The following JADE1 variants were observed in gnomAD, a reference collection of about 807,000 sequenced individuals.
JADE1 encodes the protein jade family PHD finger 1.
In JADE1, 14 loss-of-function variants were observed where a neutral mutation model predicts 81.8. The observed-to-expected ratio is 0.17, with a 90% CI of 0.11 to 0.27. JADE1 has a LOEUF of 0.27. Ranked by LOEUF, JADE1 falls within the 10% of genes least tolerant of loss-of-function variation. JADE1 has a pLI of 1.00. For missense variants in JADE1, 690 were observed against 1,047.9 expected (o/e 0.66, Z 4.71); for synonymous variants, 353 against 391.9 (o/e 0.90, Z 1.17).
rs1177059114 is a variant in JADE1 at position 128,842,972 on chromosome 4, C to G, written c.72C>G (p.Ser24=). ...DDNGSLSTTW[S]QNSRSQHRRS... Reference sequence around the variant, plus strand: ...CTTTAGGCCTGTCAACTACTTGGTCCCAGAATTCCCGATCCCAGCATAGGA... The same window carrying G: ...CTTTAGGCCTGTCAACTACTTGGTCGCAGAATTCCCGATCCCAGCATAGGA... The change falls in exon 3 of 11, where the codon TCC becomes TCG. Residue 24 remains serine, a synonymous_variant. Transcript: ENST00000226319. The G allele has an allele frequency of 4.3e-6, 7 of 1,613,878 alleles. No individual in the cohort carries two copies. Among genetic ancestry groups the G allele is most frequent in the Non-Finnish European group, 5.9e-6 (7 of 1,179,868 alleles).
At chr4:128,841,943 A>G (rs1729467846) in intron 2 of JADE1, among the ~76,000 whole-genome samples, 1 of 152,186 alleles carries the variant, frequency 6.6e-6, no homozygotes, top group Non-Finnish European at 1.5e-5. Context: ...ACTTGGCAGC[A>G]GTTGGGAGAC....
intron 10 of JADE1, among the ~76,000 whole-genome samples, chr4:128,869,096 G>C (rs183092112): frequency 2.6e-5 from 4 of 152,112 alleles, no homozygotes; most frequent in African/African-American, 9.6e-5. Flanking sequence ...TCGGTCATCT[G>C]AAGAAATAAA....
rs1731523269 is a variant in JADE1, at chr4:128,863,348, G to A, written c.1503+1123G>A. 4 of 985,378 alleles carry A rather than the reference G, an allele frequency of 4.1e-6. No homozygotes were observed. In the African/African-American group the frequency reaches 7.0e-5, roughly 17 times the overall value. 61.0% of individuals were successfully genotyped at this position (985,378 alleles called of 1,614,324 possible). A position where few individuals can be genotyped will look rare whatever the true frequency, so the allele number is the denominator to read the frequency against. ...TAAATTCATTAGTGTGAAAGAGGTG[G>A]GAGTGAGGTTTTCTGGCCTGAAGCA... On this transcript the variant is annotated intron_variant, in intron 9 of 10. Transcript: ENST00000226319.
At chr4:128,858,101 G>A (rs981423277) in intron 8 of JADE1, among the ~76,000 whole-genome samples, 11 of 151,922 alleles carry the variant, frequency 7.2e-5, no homozygotes, top group Admixed American at 2.0e-4. Flanking sequence ...GTGTGTGTGT[G>A]TGTGAGCGTG....
intron 9 of JADE1, among the ~76,000 whole-genome samples, chr4:128,865,634 T>C (rs986385155): frequency 2.0e-5 from 3 of 152,150 alleles, no homozygotes; most frequent in Non-Finnish European, 4.4e-5. Flanking sequence ...GAGTCCTCAC[T>C]ACTATAAAGT....
In JADE1 at chr4:128,871,325, T is replaced by A. The variant is rs1281243072; in HGVS notation, c.1622-30T>A. On this transcript the variant is annotated intron_variant, in intron 10 of 10. Transcript: ENST00000226319. The surrounding 1 kb of genome is among the most constrained non-coding windows in gnomAD (Gnocchi z 4.1). Reference sequence around the variant, plus strand: ...CTTTTGGATTTGCTTCTGCTGTAATTTTTCTTTATTTGTGGTTTTATGTTT... The same window carrying A: ...CTTTTGGATTTGCTTCTGCTGTAATATTTCTTTATTTGTGGTTTTATGTTT... 6.3e-7 allele frequency: 1 copy of A among 1,579,246 alleles called. No individual in the cohort carries two copies. Among genetic ancestry groups the A allele is most frequent in the Non-Finnish European group, 8.6e-7 (1 of 1,161,708 alleles).
chr4:128,842,137 CTCT>C (rs1481331696), intron 2 of JADE1, among the ~76,000 whole-genome samples: 2 of 152,190 alleles, frequency 1.3e-5, no homozygotes, highest in East Asian at 1.9e-4. Context: ...CTCCCGTCCT[CTCT>C]TCTTATGGCA....
intron 1 of JADE1, among the ~76,000 whole-genome samples, chr4:128,818,459 C>G (rs1014260319): frequency 1.6e-4 from 25 of 152,266 alleles, no homozygotes; most frequent in African/African-American, 6.0e-4. Flanking sequence ...GTGTCTGATC[C>G]TTAATTTTGT....
chr4:128,849,712 A>T (rs983326057), intron 5 of JADE1, among the ~76,000 whole-genome samples: 1 of 152,128 alleles, frequency 6.6e-6, no homozygotes, highest in Admixed American at 6.5e-5. Flanking sequence ...GAAGCCTGAC[A>T]TTAGCTGTGT....
chr4:128,846,567 C>T lies in JADE1; in HGVS notation c.296+35C>T. 1 of 1,607,182 alleles carries T rather than the reference C, an allele frequency of 6.2e-7. No individual in the cohort carries two copies. The highest frequency in any genetic ancestry group is 8.5e-7 in the Non-Finnish European group (1 of 1,175,970). On this transcript the variant is annotated intron_variant, in intron 4 of 10. Transcript: ENST00000226319. The surrounding 1 kb of genome is among the most constrained non-coding windows in gnomAD (Gnocchi z 4.0). The stretch of plus-strand genomic sequence containing the variant: ...CCCTGAGGACAGAAGCCTCTCCACC[C>T]ACCCTTGCTCTTCTTCCCTGACAGC...
intron 2 of JADE1, among the ~76,000 whole-genome samples, chr4:128,839,704 AT>A (rs1459209850): frequency 6.6e-6 from 1 of 151,932 alleles, no homozygotes; most frequent in Non-Finnish European, 1.5e-5. Flanking sequence ...TTACTTCAGC[AT>A]TTATTCATGT....
intron 2 of JADE1, among the ~76,000 whole-genome samples, chr4:128,840,270 C>T (rs1163364019): frequency 6.6e-6 from 1 of 152,152 alleles, no homozygotes; most frequent in Non-Finnish European, 1.5e-5. Flanking sequence ...CAGGAAGAGA[C>T]AAGAGGGTCA....
At chr4:128,812,441 C>T (rs1257143654) in intron 1 of JADE1, among the ~76,000 whole-genome samples, 2 of 152,032 alleles carry the variant, frequency 1.3e-5, no homozygotes, top group Non-Finnish European at 2.9e-5. Flanking sequence ...CCCACAACCC[C>T]GGGGTGCCCC....
chr4:128,814,573 T>C (rs913435715), intron 1 of JADE1, among the ~76,000 whole-genome samples: 5 of 151,470 alleles, frequency 3.3e-5, no homozygotes, highest in Non-Finnish European at 5.9e-5. Context: ...TTTTCTTTTT[T>C]TTTTTTTTTT....
At chr4:128,844,949 G>A (rs759394232) in intron 3 of JADE1, among the ~76,000 whole-genome samples, 7 of 152,212 alleles carry the variant, frequency 4.6e-5, no homozygotes, top group Non-Finnish European at 7.3e-5. Flanking sequence ...ATTAGCAGGC[G>A]TATGATGTGA....
intron 1 of JADE1, among the ~76,000 whole-genome samples, chr4:128,812,919 A>T (rs116331168): frequency 6.6e-6 from 1 of 152,294 alleles, no homozygotes; most frequent in Admixed American, 6.5e-5. Flanking sequence ...GTAGGAGAGG[A>T]TCTGAGGTTT....
chr4:128,863,850 G>A (rs1731574047), intron 9 of JADE1: 1 of 985,348 alleles, frequency 1.0e-6, no homozygotes, highest in Non-Finnish European at 1.2e-6. Flanking sequence ...GTTGTTGGGA[G>A]GGGGAGGACA....
At chr4:128,842,748 G>C (rs944223312) in intron 2 of JADE1, among the ~76,000 whole-genome samples, 2 of 152,212 alleles carry the variant, frequency 1.3e-5, no homozygotes, top group African/African-American at 4.8e-5. Context: ...CACAGAATGA[G>C]CACATTAGGC....
At chr4:128,836,399 GTA>G (rs1250893052) in intron 2 of JADE1, among the ~76,000 whole-genome samples, 1 of 151,788 alleles carries the variant, frequency 6.6e-6, no homozygotes, top group Non-Finnish European at 1.5e-5. Flanking sequence ...AAATATATAT[GTA>G]TATATATAAA....
Sources: allele counts gnomAD v4.1 joint callset (sites outside exome capture counted in the v4.1 genomes callset), GRCh38; gene constraint gnomAD v4.1.1; non-coding constraint Gnocchi (gnomAD v3.1); transcripts MANE v1.5; gene names NCBI Gene and HGNC (gene_info 2026-07-23, HGNC 2026-07-21).